TTN: variants seen among roughly 807,000 people sequenced by gnomAD.
TTN encodes the protein connectin.
TTN carries 1,525 observed loss-of-function variants against 3,223.0 expected under a neutral mutation model. The ratio of observed to expected loss-of-function variants is 0.47; its 90% CI spans 0.45 to 0.49. The LOEUF (loss-of-function observed/expected upper bound fraction) is 0.49. Among genes scored for constraint, TTN ranks in the 20% least tolerant of loss-of-function variants. The probability of loss-of-function intolerance (pLI) is 0.00; values close to 1 mark genes in which losing one functional copy is unlikely to be tolerated. For missense variants in TTN, 40,786 were observed against 43,424.0 expected, an observed-to-expected ratio of 0.94 and a Z score of 5.40; for synonymous variants, 14,094 against 15,161.0, an observed-to-expected ratio of 0.93 and a Z score of 5.17.
chr2:178,631,006 A>C, intron 237 of TTN, 28 bp downstream of exon 237: 1 of 1,612,472 alleles, frequency 6.2e-7, no homozygotes, highest in Non-Finnish European at 8.5e-7. Context: ...CAATGCTTCA[A>C]GAGTGAAACT....
In TTN at chr2:178,616,788, G is replaced by A. The variant is rs1247903486; in HGVS notation, c.48101C>T (p.Thr16034Ile). The change falls in exon 256 of 363, where the codon ACA becomes ATA. Residue 16034 changes from threonine (T) to isoleucine (I), a missense_variant. Thr to Ile is a moderately conservative substitution (Grantham distance 89, BLOSUM62 -1). Transcript: ENST00000589042. The part of the protein sequence containing the change: ...PSERSDKGIY[T>I]LKLENRVKTI... ...TTTCACACGGTTTTCTAATTTCAGT[G>A]TATAAATGCCCTTGTCTGAACGTTC... 2.9e-5 allele frequency: 47 copies of A among 1,612,610 alleles called. No homozygotes were observed. The Admixed American group carries it at 7.8e-4, about 27-fold the overall frequency.
At position 178,629,375 on chromosome 2, in the gene TTN, C is replaced by T. The variant is rs72677216; in HGVS notation, c.44350G>A (p.Asp14784Asn). 2.9e-5 allele frequency: 47 copies of T among 1,612,790 alleles called. No individual in the cohort carries two copies. The highest frequency in any genetic ancestry group is 4.4e-5 in the South Asian group (4 of 91,040). ...ATATCTTCGTAGGAGAGCTCGCAGT[C>T]GAAGGTGGCTGTTTCCCCTGCAGTC... is the stretch of plus-strand genomic sequence containing the variant. ...TVTAGETATFDCELSYEDIPV... is the reference protein window; with the variant it reads ...TVTAGETATFNCELSYEDIPV... Residue 14784 changes from aspartate (D) to asparagine (N), a missense_variant, in exon 240 of 363, where the codon GAC becomes AAC. Physicochemically the swap from Asp to Asn is conservative, Grantham distance 23 (BLOSUM62 1). Coordinates refer to ENST00000589042, the MANE Select transcript of TTN (RefSeq NM_001267550.2).
Position 178,587,668 on chromosome 2 carries a change from T to C in TTN, c.63641A>G (p.Asp21214Gly). The change falls in exon 306 of 363, where the codon GAT becomes GGT. Residue 21214 changes from aspartate to glycine, a missense_variant. Physicochemically the swap from Asp to Gly is moderately conservative, Grantham distance 94 (BLOSUM62 -1). Transcript: ENST00000589042. ...AACTTGTCCTTTTCTGACCACATTA[T>C]CAATGCCAACTTTTCGCCAAGTGAC... Reference protein sequence around the residue: ...PKVTWRKVGIDNVVRKGQVDL... With the variant: ...PKVTWRKVGIGNVVRKGQVDL... 6.2e-7 allele frequency: 1 copy of C among 1,612,926 alleles called. No individual in the cohort carries two copies. Among genetic ancestry groups the C allele is most frequent in the African/African-American group, 1.3e-5 (1 of 74,968 alleles).
intron 49 of TTN, chr2:178,737,388 C>T (rs570721069): frequency 6.6e-6 from 1 of 152,160 alleles, no homozygotes; most frequent in East Asian, 1.9e-4. Flanking sequence ...GCAACCTCTG[C>T]CTCCTGGCTT....
At chr2:178,610,509 G>T (rs897170045) in intron 270 of TTN, 120 bp from the exon 271 acceptor site, 15 of 1,067,338 alleles carry the variant, frequency 1.4e-5, no homozygotes, top group Admixed American at 2.6e-5. Flanking sequence ...GTGCTGGAGT[G>T]TCATTCACAC....
In TTN at chr2:178,632,998, T is replaced by C. The variant is rs878854307; in HGVS notation, c.43133A>G (p.His14378Arg). ...TCCTGTCATACCCAGCTGACAGTTA[T>C]GAAGGATCAGAATATGCTTCTTTCC... is the stretch of plus-strand genomic sequence containing the variant. ...EDGKKHILIL[H>R]NCQLGMTGEV... Residue 14378 changes from histidine to arginine, a missense_variant, in exon 234 of 363, where the codon CAT (histidine) becomes CGT (arginine). By Grantham distance (29) the His-to-Arg change is conservative (BLOSUM62 0). Transcript: ENST00000589042. 1 of 1,613,228 alleles carries C rather than the reference T, an allele frequency of 6.2e-7. No individual in the cohort carries two copies. The highest frequency in any genetic ancestry group is 8.5e-7 in the Non-Finnish European group (1 of 1,179,432).
intron 332 of TTN, 37 bp downstream of exon 332, chr2:178,554,416 T>G: frequency 6.3e-7 from 1 of 1,591,440 alleles, no homozygotes; most frequent in Non-Finnish European, 8.6e-7. Context: ...TTTTTAAATT[T>G]TTCACGTTTC....
Position 178,527,637 on chromosome 2 carries a change from G to A in TTN, c.107489C>T (p.Ala35830Val). 1 of 1,613,946 alleles carries A rather than the reference G, an allele frequency of 6.2e-7. No individual in the cohort carries two copies. The highest frequency in any genetic ancestry group is 8.5e-7 in the Non-Finnish European group (1 of 1,179,842). The change falls in exon 362 of 363, where the codon GCC becomes GTC. Residue 35830 changes from alanine (A) to valine (V), a missense_variant. Ala to Val is a moderately conservative substitution (Grantham distance 64). Coordinates refer to ENST00000589042, the MANE Select transcript of TTN (RefSeq NM_001267550.2). Reference protein sequence around the residue: ...SVQMSASKQEASFSSFSSSSA... With the variant: ...SVQMSASKQEVSFSSFSSSSA... ...GCTGCTGCTGAAACTGCTGAAGGAG[G>A]CCTCCTGCTTGGAGGCAGACATTTG...
At chr2:178,637,466 T>C (rs1018752152) in intron 223 of TTN, 47 bp from the exon 224 acceptor site, 14 of 1,274,482 alleles carry the variant, frequency 1.1e-5, no homozygotes, top group African/African-American at 1.6e-5. Flanking sequence ...TCGGACTTAT[T>C]TCATGTTTAA....
In TTN at chr2:178,539,228, G is replaced by A; in HGVS notation, c.98707C>T (p.Pro32903Ser). ...PLNPPEPPSN[P>S]PEVLDVTKSS... The stretch of plus-strand genomic sequence containing the variant: ...TTGGTTACATCGAGTACTTCTGGAG[G>A]ATTGCTTGGAGGTTCTGGAGGATCT... Residue 32903 changes from proline (P) to serine (S), a missense_variant, in exon 353 of 363, where the codon CCT (proline) becomes TCT (serine). Pro to Ser is a moderately conservative substitution (Grantham distance 74, BLOSUM62 -1). Coordinates refer to ENST00000589042, the MANE Select transcript of TTN (RefSeq NM_001267550.2). The A allele has an allele frequency of 6.2e-7, 1 of 1,613,604 alleles. No individual in the cohort carries two copies. Among genetic ancestry groups the A allele is most frequent in the South Asian group, 1.1e-5 (1 of 91,068 alleles).
Position 178,567,313 on chromosome 2 carries a change from A to G in TTN, c.78819T>C (p.Gly26273=), listed in dbSNP as rs2154166200. The G allele has an allele frequency of 3.1e-6, 5 of 1,606,814 alleles. No homozygotes were observed. The South Asian group carries it at 5.6e-5, about 18-fold the overall frequency. ...QYILRASNVA[G]SKSFPVNVKV... Reference sequence around the variant, plus strand: ...TTACATTTACTGGGAATGACTTAGAACCTGCAACATTGGAAGCTCTTAAAA... The same window carrying G: ...TTACATTTACTGGGAATGACTTAGAGCCTGCAACATTGGAAGCTCTTAAAA... The change falls in exon 326 of 363, where the codon GGT becomes GGC. Residue 26273 remains glycine, a synonymous_variant. Coordinates refer to ENST00000589042, the MANE Select transcript of TTN (RefSeq NM_001267550.2).
chr2:178,751,760 C>T (rs1415868482), intron 47 of TTN: 1 of 1,613,058 alleles, frequency 6.2e-7, no homozygotes, highest in South Asian at 1.1e-5. Context: ...CCGACGAAGA[C>T]CTGTTGGGAT....
chr2:178,648,682 T>G (rs2062424607), intron 213 of TTN, among the ~76,000 whole-genome samples: 1 of 152,186 alleles, frequency 6.6e-6, no homozygotes, highest in Non-Finnish European at 1.5e-5. Context: ...AGTGTTGGGA[T>G]GACAGGCGTG....
chr2:178,739,196 G>C lies in TTN; in HGVS notation c.14037C>G (p.Ala4679=). The C allele has an allele frequency of 6.5e-7, 1 of 1,527,482 alleles. No individual in the cohort carries two copies. 94.6% of individuals were successfully genotyped at this position (1,527,482 alleles called of 1,614,324 possible). Residue 4679 remains alanine (A), a synonymous_variant, in exon 48 of 363, where the codon GCC becomes GCG. Transcript: ENST00000589042. ...TTGCTGTTTTTCCGCTGTCATTCAA[G>C]GCCTCACAGACATACTCTCCTTGAT... ...EDHQGEYVCE[A]LNDSGKTATS... is the part of the protein sequence containing the mutation.
chr2:178,593,193 A>G lies in TTN; in HGVS notation c.59015T>C (p.Val19672Ala), dbSNP rs1263299073. Reference sequence around the variant, plus strand: ...TATACCAATTGGATCTTTAGCAAAGACTGGTTTGGATGGTGGGCTTGGATC... The same window carrying G: ...TATACCAATTGGATCTTTAGCAAAGGCTGGTTTGGATGGTGGGCTTGGATC... ...IGDPSPPSKP[V>A]FAKDPIAKPS... The change falls in exon 299 of 363, where the codon GTC becomes GCC. Residue 19672 changes from valine to alanine, a missense_variant. Val to Ala is a moderately conservative substitution (Grantham distance 64). Coordinates refer to ENST00000589042, the MANE Select transcript of TTN (RefSeq NM_001267550.2). 6.2e-7 allele frequency: 1 copy of G among 1,613,344 alleles called. No homozygotes were observed. Among genetic ancestry groups the G allele is most frequent in the East Asian group, 2.2e-5 (1 of 44,724 alleles).
Position 178,635,244 on chromosome 2 carries a change from G to A in TTN, c.41945C>T (p.Ala13982Val), listed in dbSNP as rs1344724361. 6.2e-7 allele frequency: 1 copy of A among 1,613,134 alleles called. No individual in the cohort carries two copies. Among genetic ancestry groups the A allele is most frequent in the Admixed American group, 1.7e-5 (1 of 59,952 alleles). ...EDVTIYEKES[A>V]SFDAEISEAD... ...CTCTGAGATTTCTGCATCAAAGCTT[G>A]CACTTTCTTTCTCATAAATGGTAAC... The change falls in exon 228 of 363, where the codon GCA (alanine) becomes GTA (valine). Residue 13982 changes from alanine to valine, a missense_variant. Ala to Val is a moderately conservative substitution (Grantham distance 64, BLOSUM62 0). Coordinates refer to ENST00000589042, the MANE Select transcript of TTN (RefSeq NM_001267550.2).
At position 178,601,749 on chromosome 2, in the gene TTN, C is replaced by T. The variant is rs779464399; in HGVS notation, c.55341G>A (p.Pro18447=). 6.8e-6 allele frequency: 11 copies of T among 1,608,258 alleles called. No homozygotes were observed. Among genetic ancestry groups the T allele is most frequent in the African/African-American group, 2.7e-5 (2 of 74,510 alleles). Reference sequence around the variant, plus strand: ...TGCCTGTATGAGATCGTTTACACTCCGGAATAATAATTACTGAGGAGTTTT... The same window carrying T: ...TGCCTGTATGAGATCGTTTACACTCTGGAATAATAATTACTGAGGAGTTTT... ...TAENSSVIII[P]ECKRSHTGKY... Residue 18447 remains proline, a synonymous_variant, in exon 286 of 363, where the codon CCG becomes CCA. Transcript: ENST00000589042.
At chr2:178,583,348 TTTTG>T (rs1157256179) in intron 312 of TTN, 121 bp from the exon 313 acceptor site, 32 of 1,046,678 alleles carry the variant, frequency 3.1e-5, no homozygotes, top group Non-Finnish European at 3.9e-5. Flanking sequence ...TGTTATTTCA[TTTTG>T]TTTATTTTTA....
intron 119 of TTN, 65 bp downstream of exon 119, chr2:178,693,544 T>C: frequency 1.7e-6 from 2 of 1,154,710 alleles, no homozygotes; most frequent in South Asian, 3.4e-5. Flanking sequence ...AACATAAATG[T>C]TTTACTATGG....
Sources: gnomAD v4.1 joint callset for allele counts (sites outside exome capture counted in the v4.1 genomes callset) on GRCh38, gnomAD v4.1.1 for gene constraint, MANE v1.5 for transcripts, NCBI Gene and HGNC (gene_info 2026-07-23, HGNC 2026-07-21) for gene names.